The following ATP8A2 variants were observed in gnomAD, a reference collection of about 807,000 sequenced individuals.
The protein encoded by ATP8A2 is ATPase phospholipid transporting 8A2, also known as phospholipid-transporting ATPase IB.
ATP8A2 carries 100 observed loss-of-function variants against 165.6 expected under a neutral mutation model. The ratio of observed to expected loss-of-function variants is 0.60; its 90% CI spans 0.51 to 0.71. The LOEUF (loss-of-function observed/expected upper bound fraction) is 0.71. ATP8A2 is among the 30% of genes least tolerant of loss of function. The pLI, the probability that ATP8A2 is intolerant of heterozygous loss-of-function variation, is 0.00. For missense variants in ATP8A2, 1,227 were observed against 1,479.5 expected, an observed-to-expected ratio of 0.83 and a Z score of 2.80; for synonymous variants, 543 against 548.8, an observed-to-expected ratio of 0.99 and a Z score of 0.15.
At chr13:25,975,770 C>T (rs951651973) in intron 35 of ATP8A2, among the ~76,000 whole-genome samples, 6 of 152,088 alleles carry the variant, frequency 3.9e-5, no homozygotes, top group African/African-American at 1.4e-4. Context: ...AAGCAAATCC[C>T]AGGCATCACG....
rs1371135632 is a variant in ATP8A2 at position 26,020,633 on chromosome 13, A to T, written c.*648A>T. 1.3e-5 allele frequency: 2 copies of T among 153,028 alleles called. No homozygotes were observed. The highest frequency in any genetic ancestry group is 2.9e-5 in the Non-Finnish European group (2 of 68,744). 9.5% of individuals were successfully genotyped at this position (153,028 alleles called of 1,614,324 possible). ...TGGAAGAGTCTTCCGCACCCTCTCC[A>T]GGTGCACTCGGCCCAGTCCTGCCGC... On this transcript the variant is annotated 3_prime_UTR_variant, in exon 37 of 37. Coordinates refer to ENST00000381655, the MANE Select transcript of ATP8A2 (RefSeq NM_016529.6).
intron 2 of ATP8A2, among the ~76,000 whole-genome samples, chr13:25,471,987 T>G (rs1310819822): frequency 6.6e-6 from 1 of 152,202 alleles, no homozygotes; most frequent in Non-Finnish European, 1.5e-5. Flanking sequence ...GTCTAAGAAA[T>G]TAAAATGTGG....
chr13:25,968,456 C>T (rs1955833388), intron 34 of ATP8A2, 119 bp from the exon 35 acceptor site: 1 of 809,102 alleles, frequency 1.2e-6, no homozygotes, highest in South Asian at 1.7e-5. Context: ...CCACCACTTC[C>T]CGAGCCTCGG....
At chr13:25,626,927 C>T (rs749451453) in intron 24 of ATP8A2, among the ~76,000 whole-genome samples, 9 of 152,196 alleles carry the variant, frequency 5.9e-5, no homozygotes, top group Middle Eastern at 6.8e-3. Context: ...CAGCAGATCT[C>T]GTGTTACTTA....
chr13:25,508,294 A>C (rs2037114218), intron 2 of ATP8A2, among the ~76,000 whole-genome samples: 2 of 152,236 alleles, frequency 1.3e-5, no homozygotes, highest in African/African-American at 4.8e-5. Flanking sequence ...TTTAACAACC[A>C]CATGACCCTC....
chr13:25,885,460 C>T (rs1311951166), intron 33 of ATP8A2, among the ~76,000 whole-genome samples: 3 of 152,038 alleles, frequency 2.0e-5, no homozygotes, highest in African/African-American at 4.8e-5. Flanking sequence ...CTGGCCCTCT[C>T]TCCTTCTTTT....
At chr13:25,847,515 T>G (rs2138693583) in intron 30 of ATP8A2, among the ~76,000 whole-genome samples, 1 of 152,288 alleles carries the variant, frequency 6.6e-6, no homozygotes, top group East Asian at 1.9e-4. Context: ...TGCGCGTATT[T>G]TAGACAGTTG....
At chr13:25,659,841 G>A (rs189315439) in intron 24 of ATP8A2, among the ~76,000 whole-genome samples, 1 of 152,226 alleles carries the variant, frequency 6.6e-6, no homozygotes, top group East Asian at 1.9e-4. Context: ...AGTCAATTTG[G>A]CAGCTGTGCC....
intron 25 of ATP8A2, among the ~76,000 whole-genome samples, chr13:25,733,287 G>A (rs546459549): frequency 6.6e-6 from 1 of 152,128 alleles, no homozygotes; most frequent in Non-Finnish European, 1.5e-5. Flanking sequence ...ACTGCCCACT[G>A]TAAGAATAAG....
chr13:25,533,180 T>A (rs995578270), intron 5 of ATP8A2, 93 bp from the exon 6 acceptor site: 3 of 722,026 alleles, frequency 4.2e-6, no homozygotes, highest in Non-Finnish European at 7.2e-6. Flanking sequence ...TTAGAATTAA[T>A]AAATGGAATT....
chr13:25,906,179 G>GA (rs1953930545), intron 33 of ATP8A2, among the ~76,000 whole-genome samples: 1 of 151,960 alleles, frequency 6.6e-6, no homozygotes, highest in Non-Finnish European at 1.5e-5. Context: ...CCAAGTCTCT[G>GA]ATCATCTCTG....
intron 1 of ATP8A2, among the ~76,000 whole-genome samples, chr13:25,454,183 T>C (rs1167505485): frequency 6.6e-6 from 1 of 152,170 alleles, no homozygotes; most frequent in African/African-American, 2.4e-5. Flanking sequence ...CCCTGTGTTG[T>C]TTGTGGCTGG....
chr13:25,889,072 T>G (rs1446569045), intron 33 of ATP8A2, among the ~76,000 whole-genome samples: 1 of 151,970 alleles, frequency 6.6e-6, no homozygotes, highest in African/African-American at 2.4e-5. Flanking sequence ...GAAACTTCCT[T>G]TATACATTCT....
At chr13:25,697,485 T>G (rs1047624543) in intron 24 of ATP8A2, among the ~76,000 whole-genome samples, 4 of 152,212 alleles carry the variant, frequency 2.6e-5, no homozygotes, top group African/African-American at 9.7e-5. Flanking sequence ...TTCGTCATGT[T>G]GGCCAGGCTA....
At chr13:25,538,161 C>A in intron 7 of ATP8A2, 100 bp downstream of exon 7, 1 of 731,664 alleles carries the variant, frequency 1.4e-6, no homozygotes. Context: ...TTCCCTTCTA[C>A]CATCCTCTCT....
At chr13:25,599,390 A>C (rs868430381) in intron 24 of ATP8A2, among the ~76,000 whole-genome samples, 2 of 152,178 alleles carry the variant, frequency 1.3e-5, no homozygotes, top group South Asian at 4.1e-4. Flanking sequence ...GGCTCACCTC[A>C]TGAACTTCTC....
At chr13:25,689,612 G>A (rs61947315) in intron 24 of ATP8A2, among the ~76,000 whole-genome samples, 5,820 of 152,142 alleles carry the variant, frequency 0.038, 167 homozygotes, top group Middle Eastern at 0.099. Context: ...CCCAAAGGTC[G>A]GGCAATTAAG....
intron 2 of ATP8A2, among the ~76,000 whole-genome samples, chr13:25,524,807 T>C (rs1022556099): frequency 3.3e-5 from 5 of 152,036 alleles, no homozygotes; most frequent in African/African-American, 1.2e-4. Context: ...AGAATTAAGT[T>C]CATTTACATG....
At chr13:25,646,400 C>A (rs779046662) in intron 24 of ATP8A2, among the ~76,000 whole-genome samples, 14 of 151,998 alleles carry the variant, frequency 9.2e-5, no homozygotes, top group Non-Finnish European at 1.8e-4. Context: ...CCTGTAATCC[C>A]AGCACTTTGG....
Sources: gnomAD v4.1 joint callset for allele counts (sites outside exome capture counted in the v4.1 genomes callset) on GRCh38, gnomAD v4.1.1 for gene constraint, MANE v1.5 for transcripts, NCBI Gene and HGNC (gene_info 2026-07-23, HGNC 2026-07-21) for gene names.